MARCHF1: variants seen among roughly 807,000 people sequenced by gnomAD.
MARCHF1 encodes membrane associated ring-CH-type finger 1.
A neutral mutation model predicts 54.2 loss-of-function variants in MARCHF1; 40 were observed. That is an observed-to-expected ratio of 0.74 (90% CI 0.57 to 0.96). The LOEUF (loss-of-function observed/expected upper bound fraction) is 0.96, where lower values mean the gene tolerates loss of function less well. Among genes scored for constraint, MARCHF1 ranks in the 40% least tolerant of loss-of-function variants. The pLI, the probability that MARCHF1 is intolerant of heterozygous loss-of-function variation, is 0.00. For missense variants in MARCHF1, 586 were observed against 656.5 expected (o/e 0.89, Z 1.17); for synonymous variants, 236 against 236.3 (o/e 1.00, Z 0.01).
At chr4:164,096,393 C>A (rs989992255) in intron 2 of MARCHF1, among the ~76,000 whole-genome samples, 4 of 151,874 alleles carry the variant, frequency 2.6e-5, no homozygotes, top group Middle Eastern at 3.4e-3. Flanking sequence ...AAATTGGGAA[C>A]AATAGACACT....
chr4:164,069,340 C>A (rs928856545), intron 2 of MARCHF1, among the ~76,000 whole-genome samples: 2 of 152,294 alleles, frequency 1.3e-5, no homozygotes, highest in African/African-American at 2.4e-5. Context: ...GCAGTGGCAA[C>A]CCACTTGGAT....
At chr4:163,673,995 T>C (rs888808541) in intron 5 of MARCHF1, among the ~76,000 whole-genome samples, 6 of 152,302 alleles carry the variant, frequency 3.9e-5, no homozygotes, top group South Asian at 4.2e-4. Context: ...TGGTCCACCC[T>C]GGGCAACTCC....
chr4:164,001,593 A>C (rs1376850529), intron 2 of MARCHF1, among the ~76,000 whole-genome samples: 1 of 151,902 alleles, frequency 6.6e-6, no homozygotes, highest in Non-Finnish European at 1.5e-5. Flanking sequence ...ATGATTCCTG[A>C]AAGTGGGAAA....
At chr4:164,019,355 T>C (rs1753613086) in intron 2 of MARCHF1, among the ~76,000 whole-genome samples, 1 of 152,200 alleles carries the variant, frequency 6.6e-6, no homozygotes, top group South Asian at 2.1e-4. Context: ...AATTCTTCCT[T>C]CTTTGAATTA....
intron 3 of MARCHF1, among the ~76,000 whole-genome samples, chr4:163,913,023 C>CAT (rs988389397): frequency 1.6e-4 from 25 of 152,220 alleles, no homozygotes; most frequent in Middle Eastern, 6.8e-3. Flanking sequence ...GATTTGCAGT[C>CAT]ATATATATTT....
intron 1 of MARCHF1, among the ~76,000 whole-genome samples, chr4:164,140,986 C>T (rs772148643): frequency 6.6e-6 from 1 of 152,186 alleles, no homozygotes; most frequent in African/African-American, 2.4e-5. Flanking sequence ...TGCTACCCCA[C>T]GTGTTGAGAG....
intron 4 of MARCHF1, among the ~76,000 whole-genome samples, chr4:163,808,770 C>T (rs1323156336): frequency 2.6e-5 from 4 of 151,956 alleles, no homozygotes; most frequent in Non-Finnish European, 4.4e-5. Context: ...GGTTTCACCA[C>T]GTTGGCTAGG....
chr4:164,204,361 T>C (rs1310837999), intron 1 of MARCHF1, among the ~76,000 whole-genome samples: 4 of 152,212 alleles, frequency 2.6e-5, no homozygotes, highest in Admixed American at 2.6e-4. Context: ...GGATGAGTAA[T>C]GTTTTCCTTC....
chr4:164,076,803 T>C (rs1320440315), intron 2 of MARCHF1, among the ~76,000 whole-genome samples: 2 of 152,188 alleles, frequency 1.3e-5, no homozygotes, highest in Middle Eastern at 3.4e-3. Flanking sequence ...GAGAATTCAA[T>C]ACCTAGGAAT....
At chr4:163,686,961 C>T (rs893664066) in intron 5 of MARCHF1, among the ~76,000 whole-genome samples, 1 of 152,094 alleles carries the variant, frequency 6.6e-6, no homozygotes, top group Admixed American at 6.5e-5. Context: ...CTCTCCAAAC[C>T]ACGTAGCATT....
chr4:163,974,425 C>T (rs758592634), intron 3 of MARCHF1, among the ~76,000 whole-genome samples: 28 of 152,196 alleles, frequency 1.8e-4, no homozygotes, highest in Non-Finnish European at 3.2e-4. Context: ...CTCTTAGACT[C>T]TTTGTAACCC....
At chr4:163,574,796 G>A (rs1349944415) in intron 8 of MARCHF1, among the ~76,000 whole-genome samples, 7 of 151,808 alleles carry the variant, frequency 4.6e-5, no homozygotes, top group South Asian at 2.1e-4. Flanking sequence ...TTGGCGATGC[G>A]GGCTCTTTTT....
chr4:163,753,618 C>A (rs1336953624), intron 4 of MARCHF1, among the ~76,000 whole-genome samples: 1 of 151,820 alleles, frequency 6.6e-6, no homozygotes, highest in African/African-American at 2.4e-5. Flanking sequence ...CATGGCTGGA[C>A]CTAAAGACGG....
intron 4 of MARCHF1, among the ~76,000 whole-genome samples, chr4:163,802,053 A>G (rs910509512): frequency 6.6e-6 from 1 of 152,138 alleles, no homozygotes; most frequent in Non-Finnish European, 1.5e-5. Flanking sequence ...GAAACTGTTG[A>G]AGCATCAATG....
chr4:163,786,018 G>A (rs931976275), intron 4 of MARCHF1, among the ~76,000 whole-genome samples: 1 of 151,950 alleles, frequency 6.6e-6, no homozygotes, highest in Non-Finnish European at 1.5e-5. Context: ...TGAAGATGAA[G>A]GAAGAAATCT....
intron 1 of MARCHF1, among the ~76,000 whole-genome samples, chr4:164,139,766 G>C (rs1205206344): frequency 1.3e-5 from 2 of 152,084 alleles, no homozygotes; most frequent in Non-Finnish European, 2.9e-5. Flanking sequence ...AAAATTTAAA[G>C]AATGCTATAT....
At chr4:164,335,295 G>A (rs1729700884) in intron 1 of MARCHF1, among the ~76,000 whole-genome samples, 2 of 152,246 alleles carry the variant, frequency 1.3e-5, no homozygotes, top group South Asian at 2.1e-4. Flanking sequence ...TCGTATTTAA[G>A]AATTTGCCTC....
chr4:163,599,229 G>A (rs1353657758), intron 7 of MARCHF1, among the ~76,000 whole-genome samples: 2 of 151,924 alleles, frequency 1.3e-5, no homozygotes, highest in Non-Finnish European at 2.9e-5. Flanking sequence ...GGTGGAGGTT[G>A]CAGTGAGCCA....
intron 3 of MARCHF1, among the ~76,000 whole-genome samples, chr4:163,949,054 G>A (rs1020487177): frequency 3.9e-5 from 6 of 152,174 alleles, no homozygotes; most frequent in South Asian, 2.1e-4. Flanking sequence ...GCTTGGGCCC[G>A]CTGGGCTCAT....
Sources: allele counts gnomAD v4.1 joint callset (sites outside exome capture counted in the v4.1 genomes callset), GRCh38; gene constraint gnomAD v4.1.1; transcripts MANE v1.5; gene names NCBI Gene and HGNC (gene_info 2026-07-23, HGNC 2026-07-21).